The following FAM185A variants were observed in gnomAD, a reference collection of about 807,000 sequenced individuals.
FAM185A encodes protein FAM185A.
Under a neutral mutation model 45.7 loss-of-function variants are expected in FAM185A, and 21 were observed. That is an observed-to-expected ratio of 0.46 (90% CI 0.33 to 0.66). The LOEUF (loss-of-function observed/expected upper bound fraction) is 0.66, where lower values mean the gene tolerates loss of function less well. Among genes scored for constraint, FAM185A ranks in the 30% least tolerant of loss-of-function variants. The pLI is 0.03. For missense variants in FAM185A, 305 were observed against 485.4 expected (o/e 0.63, Z 3.49); for synonymous variants, 117 against 194.0 (o/e 0.60, Z 3.30).
chr7:102,766,155 AAACT>A (rs1794382880), intron 4 of FAM185A, among the ~76,000 whole-genome samples: 1 of 152,292 alleles, frequency 6.6e-6, no homozygotes, highest in Non-Finnish European at 1.5e-5. Flanking sequence ...TGATTTAAAC[AAACT>A]GATTCGATTA....
the FAM185A span, among the ~76,000 whole-genome samples, chr7:102,819,703 C>T: frequency 4.6e-5 from 7 of 152,182 alleles, no homozygotes; most frequent in Non-Finnish European, 1.0e-4. Context: ...AAAAATCTCT[C>T]TTATCCCACC....
At chr7:102,829,728 G>T in the FAM185A span, among the ~76,000 whole-genome samples, 4 of 152,264 alleles carry the variant, frequency 2.6e-5, no homozygotes, top group African/African-American at 9.6e-5. Context: ...TGGTTGCAAG[G>T]AAAAGCCGGC....
the FAM185A span, among the ~76,000 whole-genome samples, chr7:102,829,709 G>T: frequency 6.6e-6 from 1 of 152,128 alleles, no homozygotes; most frequent in African/African-American, 2.4e-5. Context: ...ACTGACCTTC[G>T]AGGTGAGGTG....
intron 7 of FAM185A, among the ~76,000 whole-genome samples, chr7:102,788,636 T>C (rs1795966542): frequency 6.6e-6 from 1 of 152,222 alleles, no homozygotes. Flanking sequence ...GAAAATTTGA[T>C]GAAAATCTAA....
intron 7 of FAM185A, among the ~76,000 whole-genome samples, chr7:102,792,643 C>T (rs12113298): frequency 0.028 from 3,434 of 122,146 alleles, 62 homozygotes; most frequent in Middle Eastern, 0.048. Flanking sequence ...AGGTAAAGTG[C>T]GTTGCCAGTG....
downstream of FAM185A, among the ~76,000 whole-genome samples, chr7:102,812,012 TAA>T (rs899327704): frequency 6.6e-6 from 1 of 152,256 alleles, no homozygotes; most frequent in Non-Finnish European, 1.5e-5. Flanking sequence ...TGCTTTATCT[TAA>T]GTTTTTAATC....
chr7:102,775,807 C>T (rs77490360), intron 5 of FAM185A, among the ~76,000 whole-genome samples: 34,193 of 151,668 alleles, frequency 0.23, 4,602 homozygotes, highest in East Asian at 0.53. Flanking sequence ...TTTTAGGATG[C>T]GGTAAGAGGT....
downstream of FAM185A, among the ~76,000 whole-genome samples, chr7:102,812,956 C>T (rs1797530967): frequency 6.6e-6 from 1 of 151,670 alleles, no homozygotes; most frequent in Non-Finnish European, 1.5e-5. Context: ...AAGTCCCCTG[C>T]CTCAGCCTCC....
chr7:102,829,570 C>T, the FAM185A span, among the ~76,000 whole-genome samples: 1 of 152,280 alleles, frequency 6.6e-6, no homozygotes. Context: ...CAGTGTTAAC[C>T]ACAGGGCCTA....
Position 102,804,982 on chromosome 7 carries a change from AC to A in FAM185A, c.1067-3306del, listed in dbSNP as rs536577484. Reference sequence around the variant, plus strand: ...ATGCAAATCAAAACCACAATATGGTACCACCTTACTCCTGCAAGAATGGGCA... The same window carrying A: ...ATGCAAATCAAAACCACAATATGGTACACCTTACTCCTGCAAGAATGGGCA... On this transcript the variant is annotated intron_variant, in intron 7 of 7. Transcript: ENST00000413034. 3.9e-4 allele frequency among the ~76,000 whole-genome samples: 59 copies of A among 152,370 alleles called. No homozygotes were observed. The South Asian group carries it at 0.012, about 30-fold the overall frequency.
chr7:102,803,822 G>C (rs988408995), intron 7 of FAM185A, among the ~76,000 whole-genome samples: 3 of 152,028 alleles, frequency 2.0e-5, no homozygotes, highest in Non-Finnish European at 4.4e-5. Context: ...CTGATAAAAG[G>C]ATTCAACAAA....
the FAM185A span, among the ~76,000 whole-genome samples, chr7:102,830,639 C>A: frequency 6.6e-6 from 1 of 152,188 alleles, no homozygotes. Context: ...GCTGCCTCCT[C>A]CTTTTTATTG....
chr7:102,837,507 C>T, the FAM185A span, among the ~76,000 whole-genome samples: 1 of 152,222 alleles, frequency 6.6e-6, no homozygotes, highest in Non-Finnish European at 1.5e-5. Context: ...GTTTATTCTA[C>T]AGTCTTCCCC....
chr7:102,790,376 G>A (rs548978987), intron 7 of FAM185A, among the ~76,000 whole-genome samples: 77 of 152,154 alleles, frequency 5.1e-4, no homozygotes, highest in African/African-American at 1.6e-3. Context: ...GTAGTTCATC[G>A]TTGACTGAAA....
chr7:102,832,766 C>T, the FAM185A span: 1 of 1,573,164 alleles, frequency 6.4e-7, no homozygotes. Context: ...TGAGTCCAGC[C>T]CTGATCGCTG....
chr7:102,849,366 C>T, the FAM185A span, among the ~76,000 whole-genome samples: 6 of 152,180 alleles, frequency 3.9e-5, no homozygotes, highest in African/African-American at 1.4e-4. Flanking sequence ...ACTGACTCTG[C>T]GTGTGCTGTG....
intron 6 of FAM185A, among the ~76,000 whole-genome samples, chr7:102,781,897 A>G (rs1175056801): frequency 3.3e-5 from 5 of 152,132 alleles, no homozygotes; most frequent in African/African-American, 4.8e-5. Context: ...AAAGAAGTTA[A>G]AAACCTTGAA....
chr7:102,815,708 C>T, the FAM185A span, among the ~76,000 whole-genome samples: 3 of 152,026 alleles, frequency 2.0e-5, no homozygotes, highest in South Asian at 6.2e-4. Context: ...CAAGTTACAT[C>T]TTACCTTAAT....
At chr7:102,840,251 G>T in the FAM185A span, among the ~76,000 whole-genome samples, 7 of 152,172 alleles carry the variant, frequency 4.6e-5, no homozygotes, top group Non-Finnish European at 8.8e-5. Flanking sequence ...AAAAATTTTA[G>T]AACAGCTTCA....
Sources: allele counts gnomAD v4.1 joint callset (sites outside exome capture counted in the v4.1 genomes callset), GRCh38; gene constraint gnomAD v4.1.1; transcripts MANE v1.5; gene names NCBI Gene and HGNC (gene_info 2026-07-23, HGNC 2026-07-21).